TAFA5: variants seen among roughly 807,000 people sequenced by gnomAD.
TAFA5 encodes the protein TAFA chemokine like family member 5.
In TAFA5, 6 loss-of-function variants were observed where a neutral mutation model predicts 15.3. That is an observed-to-expected ratio of 0.39 (90% CI 0.21 to 0.77). TAFA5 has a LOEUF of 0.77. Ranked by LOEUF, TAFA5 falls within the 30% of genes least tolerant of loss-of-function variation. The pLI is 0.41. For missense variants in TAFA5, 161 were observed against 193.1 expected, an observed-to-expected ratio of 0.83 and a Z score of 0.98; for synonymous variants, 103 against 80.7, an observed-to-expected ratio of 1.28 and a Z score of -1.48.
At chr22:48,660,669 C>T (rs6010568) in intron 2 of TAFA5, among the ~76,000 whole-genome samples, 1 of 152,080 alleles carries the variant, frequency 6.6e-6, no homozygotes, top group Non-Finnish European at 1.5e-5. Context: ...ACTGGAGCTG[C>T]GGAGGGTGTG....
chr22:48,693,171 G>A (rs569006900), intron 2 of TAFA5: 63 of 909,206 alleles, frequency 6.9e-5, no homozygotes, highest in Middle Eastern at 2.3e-4. Flanking sequence ...TGGAAAATAC[G>A]TCCTTGTCTG....
At chr22:48,541,512 G>A (rs1209376868) in intron 1 of TAFA5, among the ~76,000 whole-genome samples, 3 of 152,128 alleles carry the variant, frequency 2.0e-5, no homozygotes, top group Admixed American at 2.0e-4. Flanking sequence ...GTTCAGCCTC[G>A]GCCGGCTGCT....
chr22:48,539,124 C>T (rs1210961104), intron 1 of TAFA5: 1 of 296,726 alleles, frequency 3.4e-6, no homozygotes, highest in Non-Finnish European at 6.7e-6. Context: ...AGAGAAGTAT[C>T]CTGGGGCTTT....
chr22:48,707,619 G>A (rs1416193117), intron 2 of TAFA5, 98 bp from the exon 3 acceptor site: 1 of 1,455,530 alleles, frequency 6.9e-7, no homozygotes, highest in Non-Finnish European at 9.3e-7. Flanking sequence ...CATTGCCTGA[G>A]GGCCCCCCCA....
Position 48,614,708 on chromosome 22 carries a change from C to T in TAFA5, c.113-31889C>T, listed in dbSNP as rs376534401. 3.9e-5 allele frequency among the ~76,000 whole-genome samples: 6 copies of T among 152,336 alleles called. No individual in the cohort carries two copies. In the South Asian group the frequency reaches 1.2e-3, roughly 32 times the overall value. ...TGCGTCCTGGGGCATCTGTGGAAACCCTGCTCCTGTCGCAAGCAAGTACTG... is the reference window on the plus strand; with the variant it reads ...TGCGTCCTGGGGCATCTGTGGAAACTCTGCTCCTGTCGCAAGCAAGTACTG... On this transcript the variant is annotated intron_variant, in intron 1 of 3. Coordinates refer to ENST00000402357, the MANE Select transcript of TAFA5 (RefSeq NM_001082967.3).
At chr22:48,707,891 G>A (rs376846939) in intron 3 of TAFA5, 47 bp downstream of exon 3, 4 of 1,589,074 alleles carry the variant, frequency 2.5e-6, no homozygotes, top group African/African-American at 1.3e-5. Context: ...GAGGGGGTAT[G>A]TGTGTGCGGG....
At chr22:48,644,144 T>A (rs939531514) in intron 1 of TAFA5, among the ~76,000 whole-genome samples, 1 of 152,180 alleles carries the variant, frequency 6.6e-6, no homozygotes, top group Non-Finnish European at 1.5e-5. Flanking sequence ...GGTGTCGCCC[T>A]TTTCTGGGAG....
chr22:48,618,258 A>G (rs1050805747), intron 1 of TAFA5, among the ~76,000 whole-genome samples: 6 of 152,302 alleles, frequency 3.9e-5, no homozygotes, highest in Admixed American at 2.6e-4. Flanking sequence ...AGCGGCACAG[A>G]GCCACTGTCC....
chr22:48,723,113 G>A (rs1176538228), intron 3 of TAFA5, among the ~76,000 whole-genome samples: 1 of 152,142 alleles, frequency 6.6e-6, no homozygotes, highest in African/African-American at 2.4e-5. Flanking sequence ...CAGCACCTGT[G>A]TGTGCCGTCT....
At chr22:48,582,927 C>A in intron 1 of TAFA5, among the ~76,000 whole-genome samples, 1 of 143,878 alleles carries the variant, frequency 7.0e-6, no homozygotes, top group Non-Finnish European at 1.5e-5. Flanking sequence ...CCACACACGC[C>A]ACACACGAAA....
intron 3 of TAFA5, among the ~76,000 whole-genome samples, chr22:48,747,624 C>T (rs981442705): frequency 6.6e-6 from 1 of 152,168 alleles, no homozygotes; most frequent in African/African-American, 2.4e-5. Context: ...TGGCCAGGCA[C>T]AGTGGCTCAT....
chr22:48,674,689 AGGAGCCCTC>A (rs1317968365), intron 2 of TAFA5, among the ~76,000 whole-genome samples: 1 of 152,184 alleles, frequency 6.6e-6, no homozygotes, highest in East Asian at 1.9e-4. Context: ...CCCCCACAGA[AGGAGCCCTC>A]GTTCAGGGAG....
intron 1 of TAFA5, among the ~76,000 whole-genome samples, chr22:48,605,768 G>A (rs1287233848): frequency 6.6e-6 from 1 of 152,170 alleles, no homozygotes; most frequent in Non-Finnish European, 1.5e-5. Context: ...TACTGAAAAT[G>A]ATTAACATTC....
In TAFA5 at chr22:48,748,630, C is replaced by T. The variant is rs187173188; in HGVS notation, c.391-1209C>T. On this transcript the variant is annotated intron_variant, in intron 3 of 3. Coordinates refer to ENST00000402357, the MANE Select transcript of TAFA5 (RefSeq NM_001082967.3). ...AGTGTGGGTTCTAATCCCACAGCCCCGTTGGGTAGACGAGGCTATGACAAG... is the reference window on the plus strand; with the variant it reads ...AGTGTGGGTTCTAATCCCACAGCCCTGTTGGGTAGACGAGGCTATGACAAG... Among the ~76,000 whole-genome samples the T allele has an allele frequency of 1.6e-4, 25 of 152,284 alleles. No homozygotes were observed. In the South Asian group the frequency reaches 2.1e-3, roughly 13 times the overall value.
At position 48,688,082 on chromosome 22, in the gene TAFA5, G is replaced by GTT. The variant is rs58754684; in HGVS notation, c.263-19629_263-19628dup. Among the ~76,000 whole-genome samples the GTT allele has an allele frequency of 3.4e-5, 5 of 146,476 alleles. No homozygotes were observed. In the East Asian group the frequency reaches 6.0e-4, roughly 17 times the overall value. On this transcript the variant is annotated intron_variant, in intron 2 of 3. Transcript: ENST00000402357. The stretch of plus-strand genomic sequence containing the variant: ...CTTATTACAGTTGGGGTTTTTTATT[G>GTT]TTTTTTTGTGTGTTTTGGGGTTTTT...
At position 48,552,013 on chromosome 22, in the gene TAFA5, C is replaced by T. The variant is rs1027126067; in HGVS notation, c.112+62309C>T. ...AAGGCAGTGCTGGCCCCACGCCCTG[C>T]GATGGCCGTTCAGCTCTGACTGTCC... On this transcript the variant is annotated intron_variant, in intron 1 of 3. Coordinates refer to ENST00000402357, the MANE Select transcript of TAFA5 (RefSeq NM_001082967.3). The surrounding 1 kb of genome is among the most constrained non-coding windows in gnomAD (Gnocchi z 4.1). Among the ~76,000 whole-genome samples the T allele has an allele frequency of 2.0e-4, 31 of 152,212 alleles. No individual in the cohort carries two copies. The highest frequency in any genetic ancestry group is 7.0e-4 in the African/African-American group (29 of 41,450).
At chr22:48,514,554 G>A (rs1372404751) in intron 1 of TAFA5, among the ~76,000 whole-genome samples, 1 of 152,134 alleles carries the variant, frequency 6.6e-6, no homozygotes, top group African/African-American at 2.4e-5. Context: ...GGTCTTTAGT[G>A]TCCTGAGGAA....
intron 1 of TAFA5, among the ~76,000 whole-genome samples, chr22:48,562,958 C>T (rs942433388): frequency 1.3e-5 from 2 of 152,246 alleles, no homozygotes; most frequent in African/African-American, 4.8e-5. Context: ...GGGGTGATGG[C>T]ACTGGAGGCC....
intron 1 of TAFA5, among the ~76,000 whole-genome samples, chr22:48,575,219 G>A (rs1923722836): frequency 6.6e-6 from 1 of 152,134 alleles, no homozygotes; most frequent in South Asian, 2.1e-4. Flanking sequence ...AGCAGGGCCG[G>A]CTCTGCAGTG....
Sources: allele counts gnomAD v4.1 joint callset (sites outside exome capture counted in the v4.1 genomes callset), GRCh38; gene constraint gnomAD v4.1.1; non-coding constraint Gnocchi (gnomAD v3.1); transcripts MANE v1.5; gene names NCBI Gene and HGNC (gene_info 2026-07-23, HGNC 2026-07-21).